HELZ2: variants seen among roughly 807,000 people sequenced by gnomAD.
HELZ2 encodes helicase with zinc finger 2.
Under a neutral mutation model 208.8 loss-of-function variants are expected in HELZ2, and 143 were observed. That is an observed-to-expected ratio of 0.68 (90% confidence interval 0.60 to 0.79). HELZ2 has a LOEUF of 0.79. HELZ2 is among the 30% of genes least tolerant of loss of function. The pLI, the probability that HELZ2 is intolerant of heterozygous loss-of-function variation, is 0.00. For synonymous variants in HELZ2, 1,705 were observed against 1,693.7 expected (o/e 1.01, Z -0.16); for missense variants, 3,690 against 3,794.5 (o/e 0.97, Z 0.72).
chr20:63,570,671 C>A lies in HELZ2; in HGVS notation c.462+14G>T, dbSNP rs2146022925. ...GACCCCACCCCACCCCACCCACTCC[C>A]AGGGCCCACTTACCACAAGGACCTC... On this transcript the variant is annotated intron_variant, in intron 2 of 18. Coordinates refer to ENST00000467148, the Ensembl canonical transcript of HELZ2. 1.9e-6 allele frequency: 3 copies of A among 1,560,570 alleles called. No homozygotes were observed. The highest frequency in any genetic ancestry group is 2.6e-6 in the Non-Finnish European group (3 of 1,140,696).
downstream of HELZ2, chr20:63,559,096 T>C: frequency 2.3e-6 from 2 of 869,628 alleles, no homozygotes; most frequent in Non-Finnish European, 3.4e-6. Flanking sequence ...CCGTTCCTCC[T>C]CCAAGTCCAC....
At chr20:63,562,252 G>T (rs748519666) in intron 9 of HELZ2, 36 bp downstream of exon 10, 2 of 1,597,998 alleles carry the variant, frequency 1.3e-6, no homozygotes, top group South Asian at 1.1e-5. Context: ...GGGGCTGGGG[G>T]CCAGAGGGGA....
Position 63,567,280 on chromosome 20 carries a change from G to GC in HELZ2, c.2077dup (p.Ala693GlyfsTer111). ...GGGTGTGACCTGCATGTGGTCGCCC[G>GC]CCAGCACGAGGCGGGTGCCGTGCGA... On this transcript the variant is annotated frameshift_variant, in exon 6 of 19. Coordinates refer to ENST00000467148, the Ensembl canonical transcript of HELZ2. LOFTEE classifies it high-confidence loss of function. 1 of 1,609,536 alleles carries GC rather than the reference G, an allele frequency of 6.2e-7. No individual in the cohort carries two copies. The highest frequency in any genetic ancestry group is 8.5e-7 in the Non-Finnish European group (1 of 1,179,282).
exon 8 of HELZ2, chr20:63,563,756 A>C (rs759460580): frequency 6.2e-7 from 1 of 1,602,228 alleles, no homozygotes; most frequent in East Asian, 2.2e-5. Context: ...GCCCAGCGCC[A>C]GCAGGATCTG....
At chr20:63,558,549 T>TG (rs966383652), downstream of HELZ2, 3 of 152,228 alleles carry the variant, frequency 2.0e-5, no homozygotes, top group African/African-American at 7.2e-5. Flanking sequence ...TGTTTTGTTT[T>TG]TTTTTTTAAG....
At chr20:63,572,401 T>C in exon 1 of HELZ2, 8 of 1,490,870 alleles carry the variant, frequency 5.4e-6, no homozygotes, top group Non-Finnish European at 7.1e-6. Flanking sequence ...CGGCGCTGTG[T>C]GCAAACTGGC....
chr20:63,572,647 G>C (rs958391567), upstream of HELZ2: 13 of 461,280 alleles, frequency 2.8e-5, no homozygotes, highest in Middle Eastern at 5.5e-4. Flanking sequence ...AAAGCAGCTC[G>C]AAGCGGCCGC....
chr20:63,570,896 A>G, intron 1 of HELZ2, 28 bp from the exon 3 acceptor site: 1 of 1,538,604 alleles, frequency 6.5e-7, no homozygotes, highest in Non-Finnish European at 8.8e-7. Flanking sequence ...CAGCAGGGCT[A>G]CACAGAGGCA....
In HELZ2 at chr20:63,563,973, G is replaced by A. The variant is rs1385380646; in HGVS notation, c.4849C>T (p.Gln1617Ter). 6.2e-7 allele frequency: 1 copy of A among 1,600,466 alleles called. No homozygotes were observed. Among genetic ancestry groups the A allele is most frequent in the Non-Finnish European group, 8.5e-7 (1 of 1,172,832 alleles). Reference sequence around the variant, plus strand: ...TCCGTGGTGACCAAGTCCACCATCTGTTCGTAGTCCTGGGTGCGGGCAGCA... The same window carrying A: ...TCCGTGGTGACCAAGTCCACCATCTATTCGTAGTCCTGGGTGCGGGCAGCA... The change falls in exon 8 of 19, where the codon CAG becomes TAG. Residue 1617 changes from glutamine (Q) to a stop codon, truncating the protein, a stop_gained. Transcript: ENST00000467148. LOFTEE classifies it high-confidence loss of function.
chr20:63,565,934 G>A (rs892580894), exon 8 of HELZ2: 2 of 1,598,800 alleles, frequency 1.3e-6, no homozygotes, highest in Non-Finnish European at 8.5e-7. Context: ...TGTGCCTCGG[G>A]GAGGCCAGCG....
chr20:63,572,478 C>G (rs899243783), upstream of HELZ2: 2 of 1,337,408 alleles, frequency 1.5e-6, no homozygotes, highest in Admixed American at 2.9e-5. Flanking sequence ...GGAGGCTGGC[C>G]GGCCCGGGGC....
exon 6 of HELZ2, chr20:63,567,318 C>A: frequency 1.2e-6 from 2 of 1,609,314 alleles, no homozygotes; most frequent in Non-Finnish European, 1.7e-6. Flanking sequence ...CATAGGCCAG[C>A]GGGGTGAGGG....
At chr20:63,560,545 G>C (rs753854528) in exon 16 of HELZ2, 18 of 1,612,800 alleles carry the variant, frequency 1.1e-5, no homozygotes, top group African/African-American at 2.7e-5. Context: ...ACACCAGCAG[G>C]CTCCGCTCGT....
chr20:63,562,526 G>T, exon 8 of HELZ2: 1 of 1,577,800 alleles, frequency 6.3e-7, no homozygotes, highest in Non-Finnish European at 8.6e-7. Context: ...TCACAGATCA[G>T]GAAGCTGCTT....
At chr20:63,558,737 C>T (rs1455973291), downstream of HELZ2, 2 of 152,268 alleles carry the variant, frequency 1.3e-5, no homozygotes, top group Non-Finnish European at 2.9e-5. Flanking sequence ...GGGGTTTCAC[C>T]ATGTTGGCCA....
exon 9 of HELZ2, chr20:63,562,346 C>T (rs1161953200): frequency 6.9e-6 from 11 of 1,595,038 alleles, no homozygotes; most frequent in Middle Eastern, 1.7e-4. Context: ...CCAGCGGGGA[C>T]GCCTCCTCTA....
In HELZ2 at chr20:63,568,880, G is replaced by C. The variant is rs748127517; in HGVS notation, c.1208C>G (p.Pro403Arg). Residue 403 changes from proline to arginine, a missense_variant, in exon 5 of 19, where the codon CCA becomes CGA. By Grantham distance (103) the Pro-to-Arg change is moderately radical. Around this residue, in one of 3 missense-constraint regions of HELZ2, gnomAD observed 1,119 missense variants for 1,193.4 expected, o/e 0.94. Transcript: ENST00000467148. Reference sequence around the variant, plus strand: ...CAGCAGGAAGCCCTGGTCTGTGTCTGGCATCAGGGAGGAGGGGACGGGGAC... The same window carrying C: ...CAGCAGGAAGCCCTGGTCTGTGTCTCGCATCAGGGAGGAGGGGACGGGGAC... 2 of 1,612,016 alleles carry C rather than the reference G, an allele frequency of 1.2e-6. No homozygotes were observed. Among genetic ancestry groups the C allele is most frequent in the Non-Finnish European group, 1.7e-6 (2 of 1,179,936 alleles).
At chr20:63,560,095 C>T in exon 18 of HELZ2, 1 of 1,591,050 alleles carries the variant, frequency 6.3e-7, no homozygotes, top group Non-Finnish European at 8.5e-7. Flanking sequence ...CCACTCGCTC[C>T]CTGCGGGATG....
chr20:63,564,339 G>T, exon 8 of HELZ2: 1 of 1,579,502 alleles, frequency 6.3e-7, no homozygotes, highest in Non-Finnish European at 8.6e-7. Context: ...CGGCGCAGCA[G>T]CCGAGAGAAG....
Sources: allele counts gnomAD v4.1 joint callset, GRCh38; gene constraint gnomAD v4.1.1; regional missense constraint gnomAD v4.1.1; transcripts MANE v1.5; gene names NCBI Gene and HGNC (gene_info 2026-07-23, HGNC 2026-07-21).